The following ANKFN1 variants were observed in gnomAD, a reference collection of about 807,000 sequenced individuals.
ANKFN1 encodes ankyrin repeat and fibronectin type-III domain-containing protein 1.
ANKFN1 carries 74 observed loss-of-function variants against 108.7 expected under a neutral mutation model. The ratio of observed to expected loss-of-function variants is 0.68; its 90% confidence interval spans 0.56 to 0.83. ANKFN1 has a LOEUF of 0.83. Ranked by LOEUF, ANKFN1 falls within the 40% of genes least tolerant of loss-of-function variation. The pLI, the probability that ANKFN1 is intolerant of heterozygous loss-of-function variation, is 0.00. For missense variants in ANKFN1, 1,505 were observed against 1,382.3 expected (o/e 1.09, Z -1.41); for synonymous variants, 547 against 516.2 (o/e 1.06, Z -0.81).
chr17:56,226,734 G>A (rs1171044039), intron 2 of ANKFN1, among the ~76,000 whole-genome samples: 1 of 152,122 alleles, frequency 6.6e-6, no homozygotes, highest in African/African-American at 2.4e-5. Context: ...TGGAATTGGA[G>A]AGAGTGCTGG....
upstream of ANKFN1, chr17:56,153,383 C>A: frequency 8.3e-7 from 1 of 1,198,654 alleles, no homozygotes; most frequent in Non-Finnish European, 1.2e-6. Context: ...GGAGAGGCAG[C>A]CATGCTCAGT....
intron 4 of ANKFN1, among the ~76,000 whole-genome samples, chr17:56,089,042 T>TAA (rs11333729): frequency 5.3e-5 from 8 of 150,458 alleles, no homozygotes; most frequent in African/African-American, 1.5e-4. Context: ...ACTATACTGA[T>TAA]AAAAAAAAAT....
chr17:56,163,477 G>A (rs922296175), intron 1 of ANKFN1, among the ~76,000 whole-genome samples: 2 of 152,168 alleles, frequency 1.3e-5, no homozygotes, highest in African/African-American at 4.8e-5. Context: ...AGCTCCCCTG[G>A]TTTATAATTC....
At chr17:56,314,350 A>C (rs2045135610) in intron 3 of ANKFN1, among the ~76,000 whole-genome samples, 1 of 152,212 alleles carries the variant, frequency 6.6e-6, no homozygotes, top group Non-Finnish European at 1.5e-5. Flanking sequence ...ACTGTCAAAC[A>C]GTTCTCCAAA....
intron 3 of ANKFN1, among the ~76,000 whole-genome samples, chr17:56,247,536 C>A (rs1206760320): frequency 6.6e-6 from 1 of 152,126 alleles, no homozygotes; most frequent in Non-Finnish European, 1.5e-5. Context: ...AGGTGCCAGG[C>A]ATTAAAATGA....
chr17:56,308,197 A>C (rs546285771), intron 3 of ANKFN1, among the ~76,000 whole-genome samples: 1 of 151,984 alleles, frequency 6.6e-6, no homozygotes, highest in Non-Finnish European at 1.5e-5. Flanking sequence ...TGTAACTAAC[A>C]TGCACGTTGT....
At chr17:56,407,029 A>G (rs2047943020) in intron 8 of ANKFN1, among the ~76,000 whole-genome samples, 1 of 139,502 alleles carries the variant, frequency 7.2e-6, no homozygotes, top group Non-Finnish European at 1.7e-5. Flanking sequence ...TAGGGAGGGG[A>G]AAAAGGGGAA....
intron 4 of ANKFN1, among the ~76,000 whole-genome samples, chr17:56,139,124 T>G (rs985066363): frequency 6.6e-6 from 1 of 152,254 alleles, no homozygotes. Context: ...AACATTTGTA[T>G]GTTTTTATTT....
chr17:56,048,331 T>C (rs544502463), intron 4 of ANKFN1, among the ~76,000 whole-genome samples: 13 of 152,236 alleles, frequency 8.5e-5, no homozygotes, highest in Non-Finnish European at 1.5e-4. Flanking sequence ...ATTCTTAACA[T>C]TGATATTACT....
Position 56,425,729 on chromosome 17 carries a change from T to C in ANKFN1, c.911-14598T>C, listed in dbSNP as rs545261263. ...CAGAAGTCTGCCAGGAGCCAGCCTG[T>C]CTAGCAAGTTATCCCTAACCACTCC... is the stretch of plus-strand genomic sequence containing the variant. On this transcript the variant is annotated intron_variant, in intron 8 of 20. Coordinates refer to ENST00000682825, the MANE Select transcript of ANKFN1 (RefSeq NM_001370326.1). Among the ~76,000 whole-genome samples, 3 of 152,326 alleles carry C rather than the reference T, an allele frequency of 2.0e-5. No homozygotes were observed. In the East Asian group the frequency reaches 5.8e-4, roughly 29 times the overall value.
chr17:56,091,418 T>TCACACACACACACACACA, intron 4 of ANKFN1, among the ~76,000 whole-genome samples: 1 of 136,830 alleles, frequency 7.3e-6, no homozygotes, highest in Admixed American at 7.3e-5. Flanking sequence ...TCCAAACAAA[T>TCACACACACACACACACA]CACACACACA....
chr17:56,250,167 T>C (rs2043203234), intron 3 of ANKFN1, among the ~76,000 whole-genome samples: 1 of 152,180 alleles, frequency 6.6e-6, no homozygotes, highest in Non-Finnish European at 1.5e-5. Context: ...TTTGGAAACT[T>C]GGAGTCCAAA....
chr17:56,241,903 A>G (rs1917610284), intron 3 of ANKFN1, among the ~76,000 whole-genome samples: 1 of 152,136 alleles, frequency 6.6e-6, no homozygotes, highest in Non-Finnish European at 1.5e-5. Flanking sequence ...AGGGGCAGGT[A>G]GCATATTCAG....
intron 6 of ANKFN1, among the ~76,000 whole-genome samples, chr17:56,354,356 A>G (rs530070839): frequency 6.6e-6 from 1 of 152,366 alleles, no homozygotes; most frequent in South Asian, 2.1e-4. Flanking sequence ...GGAGATATAT[A>G]TAGAAGAATG....
intron 15 of ANKFN1, among the ~76,000 whole-genome samples, chr17:56,470,955 G>A (rs529109823): frequency 6.6e-6 from 1 of 152,172 alleles, no homozygotes; most frequent in Non-Finnish European, 1.5e-5. Context: ...ATTCTCTTCA[G>A]GGATCACTTC....
chr17:56,055,566 C>CATATATAT (rs1355346286), intron 4 of ANKFN1, among the ~76,000 whole-genome samples: 852 of 47,364 alleles, frequency 0.018, 69 homozygotes, highest in East Asian at 0.052. Flanking sequence ...GGTATATATA[C>CATATATAT]ATATATATAT....
intron 1 of ANKFN1, among the ~76,000 whole-genome samples, chr17:56,167,288 C>T (rs201676759): frequency 3.6e-4 from 21 of 58,368 alleles, no homozygotes; most frequent in African/African-American, 1.0e-3. Context: ...TATATATATA[C>T]ACACACATAC....
chr17:56,142,471 T>G (rs1907985641), intron 4 of ANKFN1, among the ~76,000 whole-genome samples: 1 of 152,196 alleles, frequency 6.6e-6, no homozygotes, highest in African/African-American at 2.4e-5. Flanking sequence ...AAGCTAGTGA[T>G]GGGCTCAATG....
intron 4 of ANKFN1, among the ~76,000 whole-genome samples, chr17:56,092,931 G>T (rs1905448151): frequency 6.6e-6 from 1 of 151,212 alleles, no homozygotes; most frequent in Non-Finnish European, 1.5e-5. Context: ...CTCATGCTTT[G>T]ATTCTCTCTG....
Sources: allele counts gnomAD v4.1 joint callset (sites outside exome capture counted in the v4.1 genomes callset), GRCh38; gene constraint gnomAD v4.1.1; transcripts MANE v1.5; gene names NCBI Gene and HGNC (gene_info 2026-07-23, HGNC 2026-07-21).